Variants in TRPS1 observed in about 807,000 individuals in gnomAD.
The protein encoded by TRPS1 is zinc finger transcription factor Trps1.
Under a neutral mutation model 101.2 loss-of-function variants are expected in TRPS1, and 6 were observed. The observed-to-expected ratio is 0.06, with a 90% CI of 0.03 to 0.12. TRPS1 has a LOEUF of 0.12. Among genes scored for constraint, TRPS1 ranks in the 10% least tolerant of loss-of-function variants. The pLI is 1.00. For missense variants in TRPS1, 1,363 were observed against 1,567.0 expected (o/e 0.87, Z 2.20); for synonymous variants, 578 against 589.8 (o/e 0.98, Z 0.29).
At chr8:115,597,927 C>T (rs1817823578) in intron 4 of TRPS1, among the ~76,000 whole-genome samples, 1 of 152,078 alleles carries the variant, frequency 6.6e-6, no homozygotes, top group South Asian at 2.1e-4. Context: ...TTTTGAACAT[C>T]CAGAGACTTA....
In TRPS1 at chr8:115,566,849, T is replaced by C. The variant is rs556450451; in HGVS notation, c.2700+20152A>G. 2.6e-4 allele frequency among the ~76,000 whole-genome samples: 40 copies of C among 152,198 alleles called. No homozygotes were observed. The South Asian group carries it at 3.5e-3, about 13-fold the overall frequency. On this transcript the variant is annotated intron_variant, in intron 5 of 6. Coordinates refer to ENST00000395715, the MANE Select transcript of TRPS1 (RefSeq NM_014112.5). The stretch of plus-strand genomic sequence containing the variant: ...TAGTGCCTATAATTTCATCAAACCA[T>C]TCTGTGAAAGGAAAGAGATAAGATG...
chr8:115,419,261 T>A (rs1812994796), intron 5 of TRPS1, among the ~76,000 whole-genome samples: 1 of 152,272 alleles, frequency 6.6e-6, no homozygotes, highest in Admixed American at 6.5e-5. Flanking sequence ...TAGTATTGCT[T>A]GTTCCATTCT....
At chr8:115,507,211 A>G (rs1339435239) in intron 5 of TRPS1, among the ~76,000 whole-genome samples, 2 of 152,098 alleles carry the variant, frequency 1.3e-5, no homozygotes, top group African/African-American at 4.8e-5. Flanking sequence ...ACAGGCTGCA[A>G]GCTCGTTCGT....
intron 5 of TRPS1, among the ~76,000 whole-genome samples, chr8:115,538,567 G>T (rs992063617): frequency 1.1e-4 from 16 of 148,636 alleles, no homozygotes; most frequent in African/African-American, 3.5e-4. Flanking sequence ...AGTGGAGAGT[G>T]AGGGTCAAAT....
chr8:115,482,784 C>T (rs1814786510), intron 5 of TRPS1, among the ~76,000 whole-genome samples: 1 of 152,166 alleles, frequency 6.6e-6, no homozygotes, highest in South Asian at 2.1e-4. Flanking sequence ...AAGAATACAA[C>T]CTCAATAATG....
intron 5 of TRPS1, among the ~76,000 whole-genome samples, chr8:115,545,267 G>A (rs1386159375): frequency 6.6e-6 from 1 of 152,170 alleles, no homozygotes; most frequent in Non-Finnish European, 1.5e-5. Context: ...GCTGCTGTCT[G>A]AATTCACACT....
At chr8:115,571,820 G>A (rs1032819387) in intron 5 of TRPS1, among the ~76,000 whole-genome samples, 24 of 151,664 alleles carry the variant, frequency 1.6e-4, no homozygotes, top group African/African-American at 5.3e-4. Flanking sequence ...TAGTAAATAC[G>A]GCATTCATTT....
chr8:115,537,361 C>A (rs1410373475), intron 5 of TRPS1, among the ~76,000 whole-genome samples: 1 of 152,040 alleles, frequency 6.6e-6, no homozygotes, highest in African/African-American at 2.4e-5. Flanking sequence ...GAATGAGAAT[C>A]AAATCTTAAA....
rs574660470 is a variant in TRPS1 at position 115,643,287 on chromosome 8, T to C, written c.-121-19529A>G. On this transcript the variant is annotated intron_variant, in intron 1 of 6. Transcript: ENST00000395715. The stretch of plus-strand genomic sequence containing the variant: ...GACTCTTCTTTCATGAATGATTTGT[T>C]TGTAGCATGCAATGCCACTTGATAG... Among the ~76,000 whole-genome samples, 3 of 152,314 alleles carry C rather than the reference T, an allele frequency of 2.0e-5. No homozygotes were observed. The South Asian group carries it at 6.2e-4, about 32-fold the overall frequency.
intron 5 of TRPS1, among the ~76,000 whole-genome samples, chr8:115,460,580 A>C (rs1229883630): frequency 6.6e-6 from 1 of 152,152 alleles, no homozygotes; most frequent in East Asian, 1.9e-4. Context: ...AAAATTTTGC[A>C]ACTAGATTAC....
Position 115,425,860 on chromosome 8 carries a change from T to C in TRPS1, c.2701-7408A>G, listed in dbSNP as rs922775454. On this transcript the variant is annotated intron_variant, in intron 5 of 6. Coordinates refer to ENST00000395715, the MANE Select transcript of TRPS1 (RefSeq NM_014112.5). ...GTAAAGGAGCAAACCAAACACCCTG[T>C]GTCATAATGAAATTACATAATAGAA... 5.9e-5 allele frequency among the ~76,000 whole-genome samples: 9 copies of C among 152,346 alleles called. No homozygotes were observed. The South Asian group carries it at 1.4e-3, about 25-fold the overall frequency.
At chr8:115,446,079 C>A (rs563424473) in intron 5 of TRPS1, among the ~76,000 whole-genome samples, 1 of 152,036 alleles carries the variant, frequency 6.6e-6, no homozygotes, top group South Asian at 2.1e-4. Context: ...TTGGCTTGCA[C>A]ACATTTAGAT....
intron 5 of TRPS1, among the ~76,000 whole-genome samples, chr8:115,500,324 G>A (rs933287164): frequency 8.6e-5 from 13 of 151,930 alleles, no homozygotes; most frequent in South Asian, 2.1e-4. Context: ...CACCGTGCCC[G>A]GCCTATTTCT....
intron 5 of TRPS1, among the ~76,000 whole-genome samples, chr8:115,475,737 T>C (rs1354393278): frequency 6.6e-6 from 1 of 152,170 alleles, no homozygotes; most frequent in Non-Finnish European, 1.5e-5. Context: ...TGAATGCATA[T>C]TGAAGATAGT....
intron 4 of TRPS1, among the ~76,000 whole-genome samples, chr8:115,594,081 G>T (rs1450973600): frequency 6.6e-6 from 1 of 152,024 alleles, no homozygotes; most frequent in Non-Finnish European, 1.5e-5. Context: ...TTAATATGTA[G>T]GGTCACAAAG....
At chr8:115,483,242 T>A (rs1489984868) in intron 5 of TRPS1, among the ~76,000 whole-genome samples, 1 of 152,116 alleles carries the variant, frequency 6.6e-6, no homozygotes, top group Non-Finnish European at 1.5e-5. Flanking sequence ...CCTTTTTAAT[T>A]TAATTCTAGG....
chr8:115,421,850 G>A (rs1362688190), intron 5 of TRPS1, among the ~76,000 whole-genome samples: 1 of 152,092 alleles, frequency 6.6e-6, no homozygotes, highest in Non-Finnish European at 1.5e-5. Flanking sequence ...ACACAGTAAG[G>A]GATTTCCTTT....
chr8:115,575,288 G>A (rs1817292473), intron 5 of TRPS1, among the ~76,000 whole-genome samples: 1 of 151,998 alleles, frequency 6.6e-6, no homozygotes, highest in African/African-American at 2.4e-5. Context: ...CAATAAATAT[G>A]ATGTAGCAGA....
intron 5 of TRPS1, among the ~76,000 whole-genome samples, chr8:115,513,613 T>G (rs901353976): frequency 1.4e-4 from 21 of 151,688 alleles, no homozygotes; most frequent in African/African-American, 5.1e-4. Context: ...ACCCATTCAT[T>G]TACTTATTGT....
Sources: gnomAD v4.1 joint callset for allele counts (sites outside exome capture counted in the v4.1 genomes callset) on GRCh38, gnomAD v4.1.1 for gene constraint, MANE v1.5 for transcripts, NCBI Gene and HGNC (gene_info 2026-07-23, HGNC 2026-07-21) for gene names.